The following NUCB2 variants were observed in gnomAD, a reference collection of about 807,000 sequenced individuals.
NUCB2 encodes nucleobindin-2.
Under a neutral mutation model 57.9 loss-of-function variants are expected in NUCB2, and 48 were observed. That is an observed-to-expected ratio of 0.83 (90% CI 0.66 to 1.05). NUCB2 has a LOEUF of 1.05. Among genes scored for constraint, NUCB2 ranks in the 50% least tolerant of loss-of-function variants. The pLI is 0.00. For missense variants in NUCB2, 442 were observed against 476.2 expected, an observed-to-expected ratio of 0.93 and a Z score of 0.67; for synonymous variants, 139 against 152.1, an observed-to-expected ratio of 0.91 and a Z score of 0.64.
At chr11:17,314,089 C>A (rs898261787) in intron 10 of NUCB2, among the ~76,000 whole-genome samples, 2 of 152,038 alleles carry the variant, frequency 1.3e-5, no homozygotes, top group East Asian at 3.9e-4. Flanking sequence ...AATCATAATT[C>A]ATCTAGTTGC....
downstream of NUCB2, chr11:17,332,689 A>G (rs138391250): frequency 3.9e-3 from 584 of 151,534 alleles, 1 homozygote; most frequent in Non-Finnish European, 6.0e-3. Flanking sequence ...CACCAGATGC[A>G]TAATGCAAAG....
chr11:17,314,072 A>G (rs542609846), intron 10 of NUCB2, among the ~76,000 whole-genome samples: 1 of 152,026 alleles, frequency 6.6e-6, no homozygotes, highest in South Asian at 2.1e-4. Context: ...TTTCATTTCA[A>G]CAAATGAATC....
intron 11 of NUCB2, among the ~76,000 whole-genome samples, chr11:17,329,739 C>A (rs10832764): frequency 6.6e-6 from 1 of 152,068 alleles, no homozygotes; most frequent in Non-Finnish European, 1.5e-5. Flanking sequence ...AAGTTGAAAC[C>A]AGGTACTGTG....
intron 2 of NUCB2, among the ~76,000 whole-genome samples, chr11:17,339,580 C>T (rs1202608909): frequency 6.8e-6 from 1 of 148,102 alleles, no homozygotes; most frequent in Non-Finnish European, 1.5e-5. Flanking sequence ...TCAGTTCCCA[C>T]CTATGAGTGA....
intron 1 of NUCB2, among the ~76,000 whole-genome samples, chr11:17,278,170 CTTTTTTTTTT>C (rs35441492): frequency 3.3e-4 from 28 of 85,146 alleles, no homozygotes; most frequent in African/African-American, 1.1e-3. Flanking sequence ...TTTTACCCAT[CTTTTTTTTTT>C]TTTTTTTTTT....
chr11:17,293,317 A>G (rs1269097320), intron 2 of NUCB2, among the ~76,000 whole-genome samples: 3 of 151,882 alleles, frequency 2.0e-5, no homozygotes, highest in Non-Finnish European at 2.9e-5. Flanking sequence ...ACACTCATGT[A>G]TACAAACACA....
At chr11:17,298,700 CTTTT>C (rs1276181789) in intron 4 of NUCB2, among the ~76,000 whole-genome samples, 1 of 145,546 alleles carries the variant, frequency 6.9e-6, no homozygotes, top group East Asian at 2.0e-4. Context: ...TTTCTCTTTC[CTTTT>C]TTTTTTTGTT....
downstream of NUCB2, chr11:17,334,565 A>T (rs1034211857): frequency 2.0e-5 from 3 of 152,196 alleles, no homozygotes; most frequent in Admixed American, 1.3e-4. Flanking sequence ...CAACTTTCCT[A>T]CCTCTGTGTG....
chr11:17,322,292 G>A (rs1371574292), intron 11 of NUCB2, among the ~76,000 whole-genome samples: 1 of 152,110 alleles, frequency 6.6e-6, no homozygotes, highest in South Asian at 2.1e-4. Context: ...TAGGTATCAA[G>A]CTTCATTCTT....
chr11:17,288,549 C>CTTTTTTTTTT lies in NUCB2; in HGVS notation c.-1+5608_-1+5609insTTTTTTTTTT, dbSNP rs752336919. Among the ~76,000 whole-genome samples the CTTTTTTTTTT allele has an allele frequency of 4.2e-4, 32 of 75,818 alleles. 1 individual carries two copies. The highest frequency in any genetic ancestry group is 1.0e-3 in the South Asian group (2 of 2,008). The allele number at this position is 75,818 out of a possible 152,430, so 49.7% of individuals were successfully genotyped here. A position where few individuals can be genotyped will look rare whatever the true frequency, so the allele number is the denominator to read the frequency against. ...TTATCTTTTTCTTCTTCTTCTTCTT[C>CTTTTTTTTTT]TTCTTTTTTTTTTTTTTTTGAGACA... On this transcript the variant is annotated intron_variant, in intron 2 of 13. Transcript: ENST00000529010.
At chr11:17,343,203 G>A (rs1005277052) in intron 2 of NUCB2, among the ~76,000 whole-genome samples, 2 of 151,858 alleles carry the variant, frequency 1.3e-5, no homozygotes, top group Admixed American at 6.6e-5. Context: ...GAGCCTATGT[G>A]TGTCTCTGCA....
Position 17,331,459 on chromosome 11 carries a change from T to C in NUCB2, c.*40T>C. ...CAGAACTTGGAAGAAAGCTGTTAAC[T>C]CAACATCTATTTCATCTTTTTAGCT... is the stretch of plus-strand genomic sequence containing the variant. On this transcript the variant is annotated 3_prime_UTR_variant, in exon 14 of 14. Coordinates refer to ENST00000529010, the MANE Select transcript of NUCB2 (RefSeq NM_005013.4). 1 of 1,350,434 alleles carries C rather than the reference T, an allele frequency of 7.4e-7. No homozygotes were observed. The highest frequency in any genetic ancestry group is 9.8e-7 in the Non-Finnish European group (1 of 1,018,112). The allele number at this position is 1,350,434 out of a possible 1,614,324, so 83.7% of individuals were successfully genotyped here. A position where few individuals can be genotyped will look rare whatever the true frequency, so the allele number is the denominator to read the frequency against.
At position 17,316,266 on chromosome 11, in the gene NUCB2, G is replaced by A. The variant is rs112425233; in HGVS notation, c.1002+791G>A. Among the ~76,000 whole-genome samples, 61 of 152,160 alleles carry A rather than the reference G, an allele frequency of 4.0e-4. 1 individual carries two copies. Among genetic ancestry groups the A allele is most frequent in the African/African-American group, 1.5e-3 (61 of 41,510 alleles). On this transcript the variant is annotated intron_variant, in intron 11 of 13. Transcript: ENST00000529010. ...ATTACAGGCATAAGCCACCGCATCA[G>A]GCCAGTCATATTTATGTATTTTTTA...
intron 5 of NUCB2, among the ~76,000 whole-genome samples, chr11:17,302,752 T>TTC (rs1946960531): frequency 6.6e-6 from 1 of 151,514 alleles, no homozygotes; most frequent in Admixed American, 6.6e-5. Flanking sequence ...TTTTTTTTTT[T>TTC]TTTCTGAGAT....
intron 2 of NUCB2, among the ~76,000 whole-genome samples, chr11:17,340,802 T>C (rs1344691946): frequency 6.6e-6 from 1 of 152,162 alleles, no homozygotes; most frequent in Non-Finnish European, 1.5e-5. Flanking sequence ...CTTGGCAATG[T>C]GGGCTCTTTT....
intron 2 of NUCB2, among the ~76,000 whole-genome samples, chr11:17,346,593 T>A (rs1301230974): frequency 6.6e-6 from 1 of 152,232 alleles, no homozygotes; most frequent in East Asian, 1.9e-4. Flanking sequence ...GAGTCCATGA[T>A]GTTGGTATAG....
chr11:17,344,578 A>AT (rs1261308592), intron 2 of NUCB2, among the ~76,000 whole-genome samples: 1 of 152,220 alleles, frequency 6.6e-6, no homozygotes, highest in Non-Finnish European at 1.5e-5. Flanking sequence ...TTAAAGTTTC[A>AT]TAGCCACCAG....
chr11:17,291,997 T>A (rs754663866), intron 2 of NUCB2, among the ~76,000 whole-genome samples: 1 of 152,174 alleles, frequency 6.6e-6, no homozygotes, highest in African/African-American at 2.4e-5. Flanking sequence ...TTTAAATGAA[T>A]GGTGTGAATA....
At chr11:17,348,319 GTTTTTTTTTTTTTTTT>G (rs55741571) in intron 2 of NUCB2, among the ~76,000 whole-genome samples, 14 of 84,470 alleles carry the variant, frequency 1.7e-4, no homozygotes, top group Admixed American at 1.6e-4. Context: ...TTGTTTTTGT[GTTTTTTTTTTTTTTTT>G]TTTTTTTTTT....
Sources: allele counts gnomAD v4.1 joint callset (sites outside exome capture counted in the v4.1 genomes callset), GRCh38; gene constraint gnomAD v4.1.1; transcripts MANE v1.5; gene names NCBI Gene and HGNC (gene_info 2026-07-23, HGNC 2026-07-21).